MDFIC2: variants seen among roughly 807,000 people sequenced by gnomAD.
MDFIC2 encodes MyoD family inhibitor domain containing 2, also known as myoD family inhibitor domain-containing protein 2.
chr3:70,201,828 A>T (rs1006542484), intron 3 of MDFIC2, among the ~76,000 whole-genome samples: 2 of 152,144 alleles, frequency 1.3e-5, no homozygotes, highest in East Asian at 3.9e-4. Flanking sequence ...ACTGGCAAAG[A>T]TCATTTTCCA....
At chr3:70,217,786 T>C (rs558776218) in intron 2 of MDFIC2, among the ~76,000 whole-genome samples, 3 of 152,266 alleles carry the variant, frequency 2.0e-5, no homozygotes, top group Admixed American at 2.0e-4. Context: ...TGAATGATCA[T>C]TGAACCTGGT....
intron 2 of MDFIC2, chr3:70,272,239 A>G (rs1261450411): frequency 6.6e-6 from 1 of 152,216 alleles, no homozygotes; most frequent in Non-Finnish European, 1.5e-5. Context: ...AAAATGAAAA[A>G]TATTTCTATC....
At chr3:70,301,109 T>C (rs1702344326) in intron 2 of MDFIC2, among the ~76,000 whole-genome samples, 1 of 152,112 alleles carries the variant, frequency 6.6e-6, no homozygotes, top group South Asian at 2.1e-4. Flanking sequence ...GGCTGGGTGA[T>C]AAAGATTATT....
In MDFIC2 at chr3:70,285,721, T is replaced by A. The variant is rs1189495774; in HGVS notation, c.88+26165A>T. On this transcript the variant is annotated intron_variant, in intron 2 of 3. Coordinates refer to ENST00000567252, the MANE Select transcript of MDFIC2 (RefSeq NM_001364677.1). ...TCTCCACATCCTCTCCAGCACCTGT[T>A]GTTTCCTGACTTTTTAATGATTGCC... 2.0e-5 allele frequency among the ~76,000 whole-genome samples: 3 copies of A among 151,126 alleles called. No individual in the cohort carries two copies. The East Asian group carries it at 5.9e-4, about 30-fold the overall frequency.
At chr3:70,228,799 T>C in intron 2 of MDFIC2, among the ~76,000 whole-genome samples, 1 of 152,056 alleles carries the variant, frequency 6.6e-6, no homozygotes, top group East Asian at 1.9e-4. Flanking sequence ...TTTCTCTACC[T>C]ATTAAGATGG....
intron 2 of MDFIC2, among the ~76,000 whole-genome samples, chr3:70,267,337 G>C (rs1701924734): frequency 1.3e-5 from 2 of 148,894 alleles, no homozygotes; most frequent in South Asian, 2.1e-4. Context: ...TTTTCCATGA[G>C]ACCTACCTTT....
At chr3:70,263,810 T>C (rs1320352618) in intron 2 of MDFIC2, among the ~76,000 whole-genome samples, 4 of 152,160 alleles carry the variant, frequency 2.6e-5, no homozygotes, top group Non-Finnish European at 1.5e-5. Flanking sequence ...CGTTGCTATA[T>C]CACAGTCCAG....
chr3:70,220,852 G>T (rs1353073902), intron 2 of MDFIC2, among the ~76,000 whole-genome samples: 1 of 152,152 alleles, frequency 6.6e-6, no homozygotes, highest in East Asian at 1.9e-4. Flanking sequence ...ATGACATTCA[G>T]TTGTAAGTGT....
chr3:70,301,027 C>T, intron 2 of MDFIC2, among the ~76,000 whole-genome samples: 1 of 151,984 alleles, frequency 6.6e-6, no homozygotes, highest in East Asian at 1.9e-4. Flanking sequence ...CCATTAAGTA[C>T]CTCCGCTCTT....
At chr3:70,250,552 A>G (rs1193369455) in intron 2 of MDFIC2, among the ~76,000 whole-genome samples, 1 of 152,188 alleles carries the variant, frequency 6.6e-6, no homozygotes, top group African/African-American at 2.4e-5. Flanking sequence ...TAAAAGAAAA[A>G]CCATTAAACT....
intron 2 of MDFIC2, among the ~76,000 whole-genome samples, chr3:70,252,891 C>T (rs1701782502): frequency 6.6e-6 from 1 of 151,778 alleles, no homozygotes; most frequent in Non-Finnish European, 1.5e-5. Context: ...ACCAGCGTGG[C>T]CAACATCGTG....
intron 3 of MDFIC2, among the ~76,000 whole-genome samples, chr3:70,198,362 C>T (rs13065931): frequency 0.84 from 127,914 of 152,080 alleles, 54,642 homozygotes; most frequent in Non-Finnish European, 0.92. Context: ...ATTTTGCCTA[C>T]AGTATAAGTG....
intron 2 of MDFIC2, among the ~76,000 whole-genome samples, chr3:70,255,547 A>AGCCTCAGTCCTCCTGCC (rs1701808210): frequency 1.3e-5 from 2 of 152,054 alleles, no homozygotes; most frequent in Non-Finnish European, 2.9e-5. Flanking sequence ...TCAGTCCTGC[A>AGCCTCAGTCCTCCTGCC]GCCTCAGTCC....
At chr3:70,238,645 C>T (rs959995854) in intron 2 of MDFIC2, among the ~76,000 whole-genome samples, 1 of 151,850 alleles carries the variant, frequency 6.6e-6, no homozygotes, top group Non-Finnish European at 1.5e-5. Flanking sequence ...GAGAATAAAC[C>T]CCCAAAAGGG....
At chr3:70,212,766 C>G (rs1701364056) in intron 2 of MDFIC2, among the ~76,000 whole-genome samples, 1 of 151,856 alleles carries the variant, frequency 6.6e-6, no homozygotes, top group Non-Finnish European at 1.5e-5. Flanking sequence ...TAATGGCTCA[C>G]TATTACCTGA....
intron 2 of MDFIC2, chr3:70,249,715 A>T (rs1018251236): frequency 2.0e-5 from 3 of 152,008 alleles, no homozygotes; most frequent in African/African-American, 7.2e-5. Context: ...CCTTTTTCGG[A>T]TGTTGATGAG....
At chr3:70,271,792 C>A (rs1382580648) in intron 2 of MDFIC2, 1 of 152,184 alleles carries the variant, frequency 6.6e-6, no homozygotes, top group Admixed American at 6.5e-5. Context: ...CAGATGGAGT[C>A]TTGCTCTGTC....
rs568356349 is a variant in MDFIC2 at position 70,312,020 on chromosome 3, A to T, written c.1-47T>A. 79 of 397,314 alleles carry T rather than the reference A, an allele frequency of 2.0e-4. No homozygotes were observed. The South Asian group carries it at 3.7e-3, about 19-fold the overall frequency. The allele number at this position is 397,314 out of a possible 1,614,324, so 24.6% of individuals were successfully genotyped here. The stretch of plus-strand genomic sequence containing the variant: ...GATATAAAAAATTCATTAAGAACCC[A>T]AATTTATAACATCGAGTTTTATATT... On this transcript the variant is annotated intron_variant, in intron 1 of 3. Transcript: ENST00000567252.
chr3:70,243,151 G>T (rs1266801241), intron 2 of MDFIC2, among the ~76,000 whole-genome samples: 2 of 151,902 alleles, frequency 1.3e-5, no homozygotes, highest in Admixed American at 6.6e-5. Context: ...TGTGCCTTTT[G>T]TCTTCTGCAG....
Sources: allele counts gnomAD v4.1 joint callset (sites outside exome capture counted in the v4.1 genomes callset), GRCh38; gene constraint gnomAD v4.1.1; transcripts MANE v1.5; gene names NCBI Gene and HGNC (gene_info 2026-07-23, HGNC 2026-07-21).